The following NFIL3 variants were observed in gnomAD, a reference collection of about 807,000 sequenced individuals.
NFIL3 encodes nuclear factor, interleukin 3 regulated.
Under a neutral mutation model 10.0 loss-of-function variants are expected in NFIL3, and 5 were observed. The observed-to-expected ratio is 0.50, with a 90% CI of 0.26 to 1.06. The LOEUF (loss-of-function observed/expected upper bound fraction) is 1.06. Among genes scored for constraint, NFIL3 ranks in the 50% least tolerant of loss-of-function variants. The pLI is 0.13. For missense variants in NFIL3, 436 were observed against 547.6 expected (o/e 0.80, Z 2.03); for synonymous variants, 202 against 206.5 (o/e 0.98, Z 0.19).
At chr9:91,474,052 C>T in the NFIL3 span, among the ~76,000 whole-genome samples, 1 of 151,572 alleles carries the variant, frequency 6.6e-6, no homozygotes, top group African/African-American at 2.4e-5. Context: ...TCCAGTTTCT[C>T]ACCCTTATGT....
At chr9:91,471,197 G>C in the NFIL3 span, among the ~76,000 whole-genome samples, 1 of 152,178 alleles carries the variant, frequency 6.6e-6, no homozygotes, top group South Asian at 2.1e-4. Context: ...TATGAATCTG[G>C]GTGCTCCTGT....
chr9:91,467,727 C>T, the NFIL3 span, among the ~76,000 whole-genome samples: 1 of 152,060 alleles, frequency 6.6e-6, no homozygotes, highest in African/African-American at 2.4e-5. Flanking sequence ...TGATGTTCCC[C>T]GCCTTGCGCC....
At chr9:91,447,760 TA>T in the NFIL3 span, among the ~76,000 whole-genome samples, 3 of 152,216 alleles carry the variant, frequency 2.0e-5, no homozygotes, top group Non-Finnish European at 2.9e-5. Context: ...GACTTGCAAA[TA>T]TTCTTTTTAC....
the NFIL3 span, among the ~76,000 whole-genome samples, chr9:91,432,428 G>C: frequency 1.3e-5 from 2 of 152,154 alleles, no homozygotes; most frequent in Admixed American, 6.5e-5. Context: ...TTTGATTCAG[G>C]CTCCGGTTTC....
chr9:91,414,054 C>T (rs912452074), intron 1 of NFIL3, among the ~76,000 whole-genome samples: 2 of 152,144 alleles, frequency 1.3e-5, no homozygotes, highest in East Asian at 3.9e-4. Context: ...TGGGAAGGAG[C>T]CTTCACAATA....
At chr9:91,457,354 C>T in the NFIL3 span, among the ~76,000 whole-genome samples, 2 of 151,930 alleles carry the variant, frequency 1.3e-5, no homozygotes, top group African/African-American at 4.8e-5. Flanking sequence ...GCTGTAAACA[C>T]TTGTTATCTC....
the NFIL3 span, among the ~76,000 whole-genome samples, chr9:91,457,588 C>T: frequency 1.3e-5 from 2 of 151,942 alleles, no homozygotes; most frequent in African/African-American, 2.4e-5. Flanking sequence ...CTGTGTAGCA[C>T]ATTTCATTGG....
At chr9:91,429,496 A>G in the NFIL3 span, among the ~76,000 whole-genome samples, 1 of 152,294 alleles carries the variant, frequency 6.6e-6, no homozygotes, top group African/African-American at 2.4e-5. Flanking sequence ...CATGGACAAG[A>G]GAAAATTACC....
In NFIL3 at chr9:91,412,763, G is replaced by A. The variant is rs191528315; in HGVS notation, c.-172-1857C>T. ...GGAGGCTGAGGCAGGAGAATCGCTT[G>A]AACCCAGGAACCCAGGAGGCGGAGG... On this transcript the variant is annotated intron_variant, in intron 1 of 1. Coordinates refer to ENST00000297689, the MANE Select transcript of NFIL3 (RefSeq NM_005384.3). 6.3e-4 allele frequency among the ~76,000 whole-genome samples: 95 copies of A among 150,924 alleles called. No homozygotes were observed. In the Admixed American group the frequency reaches 6.3e-3, roughly 10 times the overall value.
the NFIL3 span, among the ~76,000 whole-genome samples, chr9:91,479,507 G>T: frequency 1.3e-5 from 2 of 151,552 alleles, no homozygotes; most frequent in African/African-American, 4.9e-5. Flanking sequence ...CACCAAGCTC[G>T]AGCATCCCAG....
the NFIL3 span, among the ~76,000 whole-genome samples, chr9:91,475,724 T>C: frequency 5.7e-4 from 87 of 152,184 alleles, no homozygotes; most frequent in Non-Finnish European, 1.1e-3. Flanking sequence ...ATGAACAATG[T>C]TGGAAATGAG....
At chr9:91,476,505 G>A in the NFIL3 span, among the ~76,000 whole-genome samples, 2 of 151,944 alleles carry the variant, frequency 1.3e-5, no homozygotes, top group East Asian at 1.9e-4. Flanking sequence ...CCTGGGAGGC[G>A]GAGGTTGCCG....
chr9:91,448,935 T>C, the NFIL3 span, among the ~76,000 whole-genome samples: 1 of 152,200 alleles, frequency 6.6e-6, no homozygotes, highest in Non-Finnish European at 1.5e-5. Context: ...AGTATACAAG[T>C]CTTTCACCTT....
upstream of NFIL3, among the ~76,000 whole-genome samples, chr9:91,424,593 A>G (rs935698479): frequency 6.6e-5 from 10 of 152,300 alleles, no homozygotes; most frequent in Middle Eastern, 0.01. Context: ...CGGGAGGGAA[A>G]GCTCCACGCA....
upstream of NFIL3, among the ~76,000 whole-genome samples, chr9:91,424,499 C>T (rs1226731413): frequency 1.3e-5 from 2 of 152,124 alleles, no homozygotes; most frequent in African/African-American, 4.8e-5. Context: ...GTTGGCGCGG[C>T]CGGGCAGCTG....
At chr9:91,460,798 A>G in the NFIL3 span, among the ~76,000 whole-genome samples, 149 of 152,338 alleles carry the variant, frequency 9.8e-4, 1 homozygote, top group African/African-American at 3.4e-3. Flanking sequence ...CTGGCTCATA[A>G]TGCATGGCAT....
At chr9:91,448,425 G>A in the NFIL3 span, among the ~76,000 whole-genome samples, 6 of 152,152 alleles carry the variant, frequency 3.9e-5, no homozygotes, top group African/African-American at 1.2e-4. Context: ...AGGAAGCCAG[G>A]CTCTTTTTAA....
chr9:91,425,056 C>T (rs1688105911), upstream of NFIL3, among the ~76,000 whole-genome samples: 1 of 152,188 alleles, frequency 6.6e-6, no homozygotes, highest in African/African-American at 2.4e-5. Context: ...AGCCATGTTC[C>T]CGACAGTGAC....
the NFIL3 span, among the ~76,000 whole-genome samples, chr9:91,432,729 T>C: frequency 6.6e-6 from 1 of 152,178 alleles, no homozygotes; most frequent in African/African-American, 2.4e-5. Flanking sequence ...GGAGGTTGAT[T>C]TGTAAAGCAT....
Sources: gnomAD v4.1 joint callset for allele counts (sites outside exome capture counted in the v4.1 genomes callset) on GRCh38, gnomAD v4.1.1 for gene constraint, MANE v1.5 for transcripts, NCBI Gene and HGNC (gene_info 2026-07-23, HGNC 2026-07-21) for gene names.